Variants in TBX3 observed in about 807,000 individuals in gnomAD.
TBX3 encodes T-box transcription factor 3.
TBX3 carries 11 observed loss-of-function variants against 47.8 expected under a neutral mutation model. The observed-to-expected ratio is 0.23, with a 90% CI of 0.14 to 0.38. The LOEUF (loss-of-function observed/expected upper bound fraction) is 0.38. Ranked by LOEUF, TBX3 falls within the 10% of genes least tolerant of loss-of-function variation. TBX3 has a pLI of 1.00. For synonymous variants in TBX3, 500 were observed against 449.3 expected (o/e 1.11, Z -1.43); for missense variants, 927 against 1,022.8 (o/e 0.91, Z 1.28).
At position 114,674,729 on chromosome 12, in the gene TBX3, C is replaced by T; in HGVS notation, c.1146G>A (p.Glu382=). 6.3e-7 allele frequency: 1 copy of T among 1,598,064 alleles called. No individual in the cohort carries two copies. The highest frequency in any genetic ancestry group is 8.5e-7 in the Non-Finnish European group (1 of 1,176,276). The change falls in exon 6 of 7, where the codon GAG becomes GAA. Residue 382 remains glutamate, a synonymous_variant. Transcript: ENST00000349155. ...CGGGGCTGCCCTTGTCACGGCAGGG[C>T]TCCTCCGACGTGGTGGTGGAGATCT... ...AAKISTTTSE[E]PCRDKGSPAV... is the part of the protein sequence containing the mutation.
rs372029833 is a variant in TBX3, at chr12:114,674,238, G to A, written c.1637C>T (p.Ala546Val). 3.8e-5 allele frequency: 60 copies of A among 1,575,346 alleles called. No homozygotes were observed. Among genetic ancestry groups the A allele is most frequent in the Non-Finnish European group, 4.2e-5 (49 of 1,161,244 alleles). ...GGACGCCCCGGACAGTCCCTGCGCC[G>A]CAGCGGCAGAGGCCATGGCCGTGGA... ...LDSTAMASAA[A>V]AQGLSGASAA... The change falls in exon 6 of 7, where the codon GCG becomes GTG. Residue 546 changes from alanine to valine, a missense_variant. Around this residue, in one of 5 missense-constraint regions of TBX3, gnomAD observed 623 missense variants for 569.0 expected, o/e 1.09. Transcript: ENST00000349155.
chr12:114,671,302 A>G lies in TBX3; in HGVS notation c.*539T>C, dbSNP rs1868411230. The G allele has an allele frequency of 4.2e-6, 1 of 239,484 alleles. No individual in the cohort carries two copies. Among genetic ancestry groups the G allele is most frequent in the Non-Finnish European group, 8.2e-6 (1 of 121,676 alleles). The allele number at this position is 239,484 out of a possible 1,614,324, so 14.8% of individuals were successfully genotyped here. The stretch of plus-strand genomic sequence containing the variant: ...TTAATATAGACTAAACAAGGATGGT[A>G]GGGACTTCCCTCCCCAAACAAAGCT... On this transcript the variant is annotated 3_prime_UTR_variant, in exon 7 of 7. Transcript: ENST00000349155.
chr12:114,678,217 C>G (rs1592849921), intron 3 of TBX3, among the ~76,000 whole-genome samples: 1 of 152,222 alleles, frequency 6.6e-6, no homozygotes, highest in East Asian at 1.9e-4. Context: ...CTGGAAACAT[C>G]TGTTTTCATT....
rs567195490 is a variant in TBX3 at position 114,672,856 on chromosome 12, C to CA, written c.1711-555dup. Among the ~76,000 whole-genome samples, 498 of 151,584 alleles carry CA rather than the reference C, an allele frequency of 3.3e-3. 2 individuals are homozygous for CA. The highest frequency in any genetic ancestry group is 9.5e-3 in the African/African-American group (391 of 41,350). Reference sequence around the variant, plus strand: ...TTTCTCCAAACAAAACAAAACAAAACAAAAAAAACAGACAGTGAAGATCTT... The same window carrying CA: ...TTTCTCCAAACAAAACAAAACAAAACAAAAAAAAACAGACAGTGAAGATCTT... On this transcript the variant is annotated intron_variant, in intron 6 of 6. Transcript: ENST00000349155.
chr12:114,678,697 A>G (rs2079573291), intron 3 of TBX3, among the ~76,000 whole-genome samples: 1 of 152,210 alleles, frequency 6.6e-6, no homozygotes, highest in Non-Finnish European at 1.5e-5. Context: ...AGGGGTCTTC[A>G]GTCCCTCCTC....
rs1457604010 is a variant in TBX3 at position 114,674,734 on chromosome 12, C to T, written c.1141G>A (p.Glu381Lys). The change falls in exon 6 of 7, where the codon GAG becomes AAG. Residue 381 changes from glutamate to lysine, a missense_variant. This residue lies in a region of TBX3 where 623 missense variants were observed against 569.0 expected (regional missense o/e 1.09). Coordinates refer to ENST00000349155, the MANE Select transcript of TBX3 (RefSeq NM_005996.4). ...DAAKISTTTS[E>K]EPCRDKGSPA... ...CTGCCCTTGTCACGGCAGGGCTCCT[C>T]CGACGTGGTGGTGGAGATCTTGGCC... The T allele has an allele frequency of 6.3e-7, 1 of 1,597,522 alleles. No homozygotes were observed. The highest frequency in any genetic ancestry group is 2.2e-5 in the East Asian group (1 of 44,450).
At position 114,672,325 on chromosome 12, in the gene TBX3, C is replaced by T. The variant is rs774983428; in HGVS notation, c.1711-23G>A. ...GCCCTGGGGTGAGAAAAGAGACACA[C>T]AGCGAGTCAGCCGGGTGGGAGGAGC... On this transcript the variant is annotated intron_variant, in intron 6 of 6. Coordinates refer to ENST00000349155, the MANE Select transcript of TBX3 (RefSeq NM_005996.4). 2.4e-5 allele frequency: 36 copies of T among 1,510,184 alleles called. No homozygotes were observed. The Admixed American group carries it at 6.9e-4, about 29-fold the overall frequency. 93.5% of individuals were successfully genotyped at this position (1,510,184 alleles called of 1,614,324 possible).
At chr12:114,682,153 TA>T (rs919657720) in intron 1 of TBX3, among the ~76,000 whole-genome samples, 6 of 151,866 alleles carry the variant, frequency 4.0e-5, no homozygotes, top group South Asian at 4.2e-4. Flanking sequence ...ATTCACACAT[TA>T]AAAAAAAGGT....
At chr12:114,679,792 C>T in intron 2 of TBX3, 141 bp from the exon 3 acceptor site, 1 of 1,522,672 alleles carries the variant, frequency 6.6e-7, no homozygotes, top group Non-Finnish European at 9.1e-7. Flanking sequence ...GGAGTACCCC[C>T]TGGGTACGTT....
intron 4 of TBX3, 28 bp from the exon 5 acceptor site, chr12:114,676,498 C>T (rs2121389273): frequency 6.2e-7 from 1 of 1,613,962 alleles, no homozygotes; most frequent in Non-Finnish European, 8.5e-7. Context: ...ACCCAGGTTA[C>T]AGAATGTAAC....
intron 5 of TBX3, among the ~76,000 whole-genome samples, chr12:114,675,083 T>C (rs1322459327): frequency 1.3e-5 from 2 of 152,220 alleles, no homozygotes; most frequent in Admixed American, 1.3e-4. Context: ...AGTTTAAACT[T>C]TCCCTTAGAT....
chr12:114,673,020 C>CTGGGAA (rs1868519810), intron 6 of TBX3, among the ~76,000 whole-genome samples: 1 of 152,204 alleles, frequency 6.6e-6, no homozygotes, highest in Admixed American at 6.5e-5. Flanking sequence ...GTGCACTAAG[C>CTGGGAA]TGGGAATTGG....
intron 5 of TBX3, among the ~76,000 whole-genome samples, chr12:114,675,856 G>A (rs187619323): frequency 2.0e-5 from 3 of 151,204 alleles, no homozygotes; most frequent in African/African-American, 4.9e-5. Flanking sequence ...CCACCTTCTC[G>A]GTTCCAGGTG....
At position 114,679,493 on chromosome 12, in the gene TBX3, C is replaced by T; in HGVS notation, c.804+12G>A. 1 of 1,614,080 alleles carries T rather than the reference C, an allele frequency of 6.2e-7. No individual in the cohort carries two copies. Among genetic ancestry groups the T allele is most frequent in the Non-Finnish European group, 8.5e-7 (1 of 1,180,022 alleles). On this transcript the variant is annotated intron_variant, in intron 3 of 6. Transcript: ENST00000349155. ...AATATCACCATTAAAAAGGAAAGCC[C>T]CTTGAGTTTACCTTATCATTCTGGT...
At chr12:114,676,579 GC>G in intron 4 of TBX3, 109 bp from the exon 5 acceptor site, 2 of 1,422,004 alleles carry the variant, frequency 1.4e-6, no homozygotes, top group African/African-American at 1.4e-5. Flanking sequence ...CCTGCCTGCT[GC>G]CCAGGGACAA....
chr12:114,675,889 C>T (rs554027735), intron 5 of TBX3, among the ~76,000 whole-genome samples: 2 of 152,116 alleles, frequency 1.3e-5, no homozygotes, highest in Non-Finnish European at 2.9e-5. Flanking sequence ...GCTTCCCCCC[C>T]ACCCAGTCCA....
intron 5 of TBX3, among the ~76,000 whole-genome samples, chr12:114,675,631 A>AGTGT (rs1427253576): frequency 9.6e-6 from 1 of 104,442 alleles, no homozygotes; most frequent in African/African-American, 3.9e-5. Flanking sequence ...CTTCCCGTTG[A>AGTGT]GAGTGTGTGT....
At chr12:114,676,539 T>G in intron 4 of TBX3, 69 bp from the exon 5 acceptor site, 1 of 1,600,480 alleles carries the variant, frequency 6.2e-7, no homozygotes, top group African/African-American at 1.3e-5. Flanking sequence ...TCCCTTACCC[T>G]TTCCAAAGCG....
At chr12:114,680,628 A>G in intron 2 of TBX3, 1 of 604,944 alleles carries the variant, frequency 1.7e-6, no homozygotes, top group Non-Finnish European at 2.9e-6. Flanking sequence ...TCAGGTCAGG[A>G]ATCTACCAAA....
Sources: gnomAD v4.1 joint callset for allele counts (sites outside exome capture counted in the v4.1 genomes callset) on GRCh38, gnomAD v4.1.1 for gene constraint, gnomAD v4.1.1 regional missense constraint, MANE v1.5 for transcripts, NCBI Gene and HGNC (gene_info 2026-07-23, HGNC 2026-07-21) for gene names.